The following GRM7 variants were observed in gnomAD, a reference collection of about 807,000 sequenced individuals.
The protein encoded by GRM7 is metabotropic glutamate receptor 7.
Under a neutral mutation model 84.5 loss-of-function variants are expected in GRM7, and 35 were observed. That is an observed-to-expected ratio of 0.41 (90% CI 0.32 to 0.55). GRM7 has a LOEUF of 0.55. Ranked by LOEUF, GRM7 falls within the 20% of genes least tolerant of loss-of-function variation. GRM7 has a pLI of 0.19. For synonymous variants in GRM7, 487 were observed against 455.1 expected, an observed-to-expected ratio of 1.07 and a Z score of -0.89; for missense variants, 1,003 against 1,194.6, an observed-to-expected ratio of 0.84 and a Z score of 2.36.
chr3:7,305,853 A>G (rs139289734), intron 3 of GRM7, among the ~76,000 whole-genome samples: 1 of 152,204 alleles, frequency 6.6e-6, no homozygotes, highest in Non-Finnish European at 1.5e-5. Context: ...TGATCTACCA[A>G]TGCAGTTACA....
chr3:7,543,512 C>A (rs1315205217), intron 7 of GRM7, among the ~76,000 whole-genome samples: 3 of 152,214 alleles, frequency 2.0e-5, no homozygotes, highest in African/African-American at 7.2e-5. Flanking sequence ...CACTTTCCAG[C>A]CACGCATTCA....
chr3:7,227,256 T>C (rs1697014263), intron 2 of GRM7, among the ~76,000 whole-genome samples: 1 of 152,222 alleles, frequency 6.6e-6, no homozygotes, highest in African/African-American at 2.4e-5. Context: ...AATGGCAAAT[T>C]GCAAGAAGTT....
chr3:7,739,872 CA>C (rs1165431060), intron 9 of GRM7, among the ~76,000 whole-genome samples: 1 of 152,174 alleles, frequency 6.6e-6, no homozygotes, highest in Non-Finnish European at 1.5e-5. Context: ...CTATACAAGT[CA>C]ATCTGTAGTC....
intron 2 of GRM7, among the ~76,000 whole-genome samples, chr3:7,149,126 T>A (rs1694199601): frequency 6.6e-6 from 1 of 152,198 alleles, no homozygotes; most frequent in African/African-American, 2.4e-5. Context: ...ATATCACATG[T>A]GCAAGTGATT....
rs1694749936 is a variant in GRM7 at position 6,861,432 on chromosome 3, A to G, written c.44A>G (p.Lys15Arg). 1 of 1,588,636 alleles carries G rather than the reference A, an allele frequency of 6.3e-7. No individual in the cohort carries two copies. Among genetic ancestry groups the G allele is most frequent in the South Asian group, 1.1e-5 (1 of 88,832 alleles). The change falls in exon 1 of 10, where the codon AAG (lysine) becomes AGG (arginine). Residue 15 changes from lysine (K) to arginine (R), a missense_variant. Transcript: ENST00000357716. This position sits in a 1 kb window ranked among gnomAD's most constrained non-coding sequence, Gnocchi z 6.4. ...RKLLRVLTLM[K>R]FPCCVLEVLL... ...CTGCTCCGCGTCCTGACTTTGATGA[A>G]GTTCCCCTGCTGCGTGCTGGAGGTG...
chr3:7,576,417 T>G (rs561947016), intron 7 of GRM7, among the ~76,000 whole-genome samples: 1 of 152,336 alleles, frequency 6.6e-6, no homozygotes, highest in East Asian at 1.9e-4. Context: ...AATTCAACCA[T>G]TAAAAGGTTA....
intron 1 of GRM7, among the ~76,000 whole-genome samples, chr3:7,020,885 G>T (rs1384818769): frequency 6.6e-6 from 1 of 152,146 alleles, no homozygotes; most frequent in Non-Finnish European, 1.5e-5. Context: ...TTATAATTGA[G>T]CTTGATGACA....
chr3:7,374,545 C>T (rs1694264729), intron 4 of GRM7, among the ~76,000 whole-genome samples: 1 of 151,846 alleles, frequency 6.6e-6, no homozygotes, highest in Non-Finnish European at 1.5e-5. Flanking sequence ...ATGGTGCGAT[C>T]TCGGCTCACT....
intron 7 of GRM7, among the ~76,000 whole-genome samples, chr3:7,551,884 C>T (rs1693497026): frequency 1.3e-5 from 2 of 152,094 alleles, no homozygotes; most frequent in South Asian, 2.1e-4. Context: ...ACTCACTGAG[C>T]AAGGCTGGGG....
intron 9 of GRM7, among the ~76,000 whole-genome samples, chr3:7,684,035 T>C (rs1700481434): frequency 6.6e-6 from 1 of 152,068 alleles, no homozygotes. Flanking sequence ...AGTAACATCA[T>C]AGACAGCAAT....
chr3:7,588,606 A>G (rs888988937), intron 8 of GRM7, among the ~76,000 whole-genome samples: 1 of 152,188 alleles, frequency 6.6e-6, no homozygotes, highest in Admixed American at 6.5e-5. Context: ...ACGGGTCACA[A>G]ATAGTCAATA....
chr3:7,617,158 C>A (rs549289557), intron 8 of GRM7, among the ~76,000 whole-genome samples: 1 of 152,082 alleles, frequency 6.6e-6, no homozygotes, highest in East Asian at 1.9e-4. Context: ...TTGGCAATGA[C>A]CTTGAGCAGT....
chr3:7,577,302 A>G (rs1397793142), intron 7 of GRM7, among the ~76,000 whole-genome samples: 1 of 152,186 alleles, frequency 6.6e-6, no homozygotes, highest in Non-Finnish European at 1.5e-5. Context: ...GATCCAATGA[A>G]TCAGAAAATC....
intron 1 of GRM7, among the ~76,000 whole-genome samples, chr3:7,017,096 G>C (rs1400363585): frequency 6.6e-6 from 1 of 152,160 alleles, no homozygotes; most frequent in African/African-American, 2.4e-5. Flanking sequence ...AATGACACAT[G>C]CTATTGCTGT....
rs923938270 is a variant in GRM7 at position 6,967,677 on chromosome 3, C to T, written c.519+105770C>T. On this transcript the variant is annotated intron_variant, in intron 1 of 9. Transcript: ENST00000357716. The stretch of plus-strand genomic sequence containing the variant: ...CTATGTAGTCAATAAGGATGAACAA[C>T]GTTATATATTGATACAGAACAAATA... Among the ~76,000 whole-genome samples, 4 of 152,094 alleles carry T rather than the reference C, an allele frequency of 2.6e-5. No individual in the cohort carries two copies. The East Asian group carries it at 5.8e-4, about 22-fold the overall frequency.
intron 5 of GRM7, among the ~76,000 whole-genome samples, chr3:7,428,702 A>C (rs1696708891): frequency 6.6e-6 from 1 of 152,138 alleles, no homozygotes; most frequent in African/African-American, 2.4e-5. Flanking sequence ...ACACTTCAGC[A>C]CAAAAGGGGA....
chr3:7,534,847 A>G (rs940236821), intron 7 of GRM7, among the ~76,000 whole-genome samples: 4 of 152,200 alleles, frequency 2.6e-5, no homozygotes, highest in Non-Finnish European at 5.9e-5. Context: ...TTGGCAATAG[A>G]AAAACACGGC....
intron 1 of GRM7, among the ~76,000 whole-genome samples, chr3:6,873,148 T>C (rs1213445887): frequency 6.6e-6 from 1 of 152,158 alleles, no homozygotes; most frequent in Non-Finnish European, 1.5e-5. Flanking sequence ...CTCGGCTCAC[T>C]GCAACTTCCA....
At chr3:7,190,570 T>C (rs1695677100) in intron 2 of GRM7, among the ~76,000 whole-genome samples, 1 of 152,136 alleles carries the variant, frequency 6.6e-6, no homozygotes, top group African/African-American at 2.4e-5. Flanking sequence ...GTCAAGTTGT[T>C]CAACTCCTAC....
Sources: gnomAD v4.1 joint callset for allele counts (sites outside exome capture counted in the v4.1 genomes callset) on GRCh38, gnomAD v4.1.1 for gene constraint, Gnocchi (gnomAD v3.1) non-coding constraint, MANE v1.5 for transcripts, NCBI Gene and HGNC (gene_info 2026-07-23, HGNC 2026-07-21) for gene names.